The following WDFY4 variants were observed in gnomAD, a reference collection of about 807,000 sequenced individuals.
The protein encoded by WDFY4 is WDFY family member 4, also known as WD repeat- and FYVE domain-containing protein 4.
A neutral mutation model predicts 351.9 loss-of-function variants in WDFY4; 169 were observed. That is an observed-to-expected ratio of 0.48 (90% CI 0.42 to 0.55). WDFY4 has a LOEUF of 0.55. Among genes scored for constraint, WDFY4 ranks in the 20% least tolerant of loss-of-function variants. The pLI, the probability that WDFY4 is intolerant of heterozygous loss-of-function variation, is 0.00. For missense variants in WDFY4, 3,803 were observed against 3,935.6 expected, an observed-to-expected ratio of 0.97 and a Z score of 0.90; for synonymous variants, 1,622 against 1,574.6, an observed-to-expected ratio of 1.03 and a Z score of -0.71.
intron 9 of WDFY4, 116 bp from the exon 10 acceptor site, chr10:48,733,815 T>C (rs1660122549): frequency 2.2e-6 from 2 of 903,698 alleles, no homozygotes; most frequent in South Asian, 3.3e-5. Flanking sequence ...CACACTCCCT[T>C]ATGATGAAAG....
chr10:48,816,488 C>A (rs554475721), intron 31 of WDFY4, among the ~76,000 whole-genome samples: 1 of 152,226 alleles, frequency 6.6e-6, no homozygotes, highest in East Asian at 1.9e-4. Context: ...TATGTTTTGG[C>A]CCTGCTCAGA....
chr10:48,789,641 G>A lies in WDFY4; in HGVS notation c.3955-233G>A, dbSNP rs11101484. 2.8e-3 allele frequency among the ~76,000 whole-genome samples: 431 copies of A among 152,336 alleles called. 1 individual carries two copies. The highest frequency in any genetic ancestry group is 9.7e-3 in the African/African-American group (405 of 41,576). On this transcript the variant is annotated intron_variant, in intron 21 of 61. Transcript: ENST00000325239. The stretch of plus-strand genomic sequence containing the variant: ...GTGGGACACTGGTGGCTCAGACTGC[G>A]TAACTGAAGCTGCTCACTTACAATT...
chr10:48,895,345 C>T (rs918739036), intron 44 of WDFY4, among the ~76,000 whole-genome samples: 48 of 152,192 alleles, frequency 3.2e-4, no homozygotes, highest in African/African-American at 1.1e-3. Flanking sequence ...ACACTGGGAG[C>T]TGGAATGGGA....
At position 48,850,472 on chromosome 10, in the gene WDFY4, T is replaced by C. The variant is rs182916236; in HGVS notation, c.6664-16793T>C. On this transcript the variant is annotated intron_variant, in intron 39 of 61. Transcript: ENST00000325239. ...CTTTTTTCTCATAGTATTTAACTGA[T>C]CTCATATGCGCTTTCCCTGTAACTC... Among the ~76,000 whole-genome samples the C allele has an allele frequency of 1.7e-3, 258 of 152,250 alleles. 2 individuals are homozygous for C. The highest frequency in any genetic ancestry group is 5.8e-3 in the African/African-American group (240 of 41,520).
intron 39 of WDFY4, among the ~76,000 whole-genome samples, chr10:48,847,812 T>A (rs1406156803): frequency 6.6e-6 from 1 of 152,158 alleles, no homozygotes. Flanking sequence ...CTCATGACAA[T>A]TGAATTTAAT....
intron 47 of WDFY4, among the ~76,000 whole-genome samples, chr10:48,908,818 T>C (rs1265803044): frequency 3.3e-5 from 5 of 152,172 alleles, no homozygotes; most frequent in Non-Finnish European, 7.3e-5. Flanking sequence ...TTTTATCACA[T>C]GTAGATTTGA....
chr10:48,901,197 GC>G (rs1837333683), intron 46 of WDFY4, among the ~76,000 whole-genome samples: 1 of 152,242 alleles, frequency 6.6e-6, no homozygotes, highest in Non-Finnish European at 1.5e-5. Flanking sequence ...ACTCAGGTGA[GC>G]CTGCTCATGC....
intron 13 of WDFY4, among the ~76,000 whole-genome samples, chr10:48,771,453 TC>T (rs1202436349): frequency 1.3e-5 from 2 of 152,178 alleles, no homozygotes; most frequent in African/African-American, 4.8e-5. Flanking sequence ...TAATTGTGCC[TC>T]CCTCACAGGC....
rs199942236 is a variant in WDFY4 at position 48,719,994 on chromosome 10, C to A, written c.235-17C>A. On this transcript the variant is annotated splice_polypyrimidine_tract_variant and intron_variant, in intron 2 of 61. Transcript: ENST00000325239. ...GTGGCATTGCTATCTCTGACCAAGT[C>A]CCATCTGTTGCTTCAGGCCTGGGAA... 1.9e-6 allele frequency: 3 copies of A among 1,550,132 alleles called. No homozygotes were observed. Among genetic ancestry groups the A allele is most frequent in the Non-Finnish European group, 2.6e-6 (3 of 1,145,648 alleles).
intron 24 of WDFY4, among the ~76,000 whole-genome samples, chr10:48,800,895 G>A (rs1477758816): frequency 1.3e-5 from 2 of 151,724 alleles, no homozygotes; most frequent in Admixed American, 1.3e-4. Context: ...ACCACATAAG[G>A]CTCATTTTTT....
Position 48,970,304 on chromosome 10 carries a change from G to T in WDFY4, c.8928+15G>T. 1 of 1,548,178 alleles carries T rather than the reference G, an allele frequency of 6.5e-7. No individual in the cohort carries two copies. Among genetic ancestry groups the T allele is most frequent in the East Asian group, 2.4e-5 (1 of 40,924 alleles). On this transcript the variant is annotated intron_variant, in intron 57 of 61. Coordinates refer to ENST00000325239, the MANE Select transcript of WDFY4 (RefSeq NM_001394531.1). Reference sequence around the variant, plus strand: ...GCCTCCGGCAGGTATGGTCCAGCTCGTGCAGGTGCGGTCCTCAGGTGGGGA... The same window carrying T: ...GCCTCCGGCAGGTATGGTCCAGCTCTTGCAGGTGCGGTCCTCAGGTGGGGA...
At position 48,810,661 on chromosome 10, in the gene WDFY4, G is replaced by A. The variant is rs372093445; in HGVS notation, c.4970G>A (p.Arg1657His). ...LLYFLASPSL[R>H]TRFRDGLCAG... is the part of the protein sequence containing the mutation. ...TACTTTCTGGCAAGCCCCTCCCTCC[G>A]CACACGGTTTAGAGATGGCCTGTGT... The change falls in exon 29 of 62, where the codon CGC (arginine) becomes CAC (histidine). Residue 1657 changes from arginine to histidine, a missense_variant. Arg to His is a conservative substitution (Grantham distance 29). This residue lies in a region of WDFY4 where 3,054 missense variants were observed against 3,148.6 expected (regional missense o/e 0.97). Transcript: ENST00000325239. 4.6e-5 allele frequency: 72 copies of A among 1,551,400 alleles called. No homozygotes were observed. Among genetic ancestry groups the A allele is most frequent in the Non-Finnish European group, 5.6e-5 (64 of 1,146,982 alleles).
intron 4 of WDFY4, among the ~76,000 whole-genome samples, chr10:48,721,923 T>C (rs2064102178): frequency 1.3e-5 from 2 of 152,314 alleles, no homozygotes; most frequent in South Asian, 4.1e-4. Context: ...GGTACCTGTC[T>C]CGCCCTCGCC....
intron 1 of WDFY4, among the ~76,000 whole-genome samples, chr10:48,691,048 G>A (rs993974002): frequency 4.6e-5 from 7 of 152,168 alleles, no homozygotes; most frequent in Non-Finnish European, 1.0e-4. Context: ...GATACCTGAA[G>A]GCCAGTGCAA....
intron 38 of WDFY4, among the ~76,000 whole-genome samples, chr10:48,831,378 C>CA (rs1286001671): frequency 4.6e-5 from 7 of 152,206 alleles, no homozygotes; most frequent in African/African-American, 1.7e-4. Flanking sequence ...TACTAATAAA[C>CA]AACATTTTTG....
Position 48,787,804 on chromosome 10 carries a change from CTCCTCTTCTTCT to C in WDFY4, c.3809-723_3809-712del, listed in dbSNP as rs1355792781. Among the ~76,000 whole-genome samples, 507 of 70,738 alleles carry C rather than the reference CTCCTCTTCTTCT, an allele frequency of 7.2e-3. 23 individuals carry two copies. Among genetic ancestry groups the C allele is most frequent in the Middle Eastern group, 0.042 (5 of 118 alleles). 46.4% of individuals were successfully genotyped at this position (70,738 alleles called of 152,430 possible). A position where few individuals can be genotyped will look rare whatever the true frequency, so the allele number is the denominator to read the frequency against. ...CTTCCTCTTCCTCCTCCTCCTCCTCCTCCTCTTCTTCTTCTTCTTCTTCTTCTTCTTCTTCTT... is the reference window on the plus strand; with the variant it reads ...CTTCCTCTTCCTCCTCCTCCTCCTCCTCTTCTTCTTCTTCTTCTTCTTCTT... On this transcript the variant is annotated intron_variant, in intron 20 of 61. Coordinates refer to ENST00000325239, the MANE Select transcript of WDFY4 (RefSeq NM_001394531.1).
chr10:48,901,657 C>T (rs1408798554), intron 46 of WDFY4, 144 bp from the exon 47 acceptor site: 1 of 785,280 alleles, frequency 1.3e-6, no homozygotes, highest in Non-Finnish European at 2.1e-6. Flanking sequence ...TACACCCAGG[C>T]CTGGTGTTCA....
chr10:48,782,738 GC>G (rs1483614898), intron 19 of WDFY4, among the ~76,000 whole-genome samples: 1 of 152,224 alleles, frequency 6.6e-6, no homozygotes, highest in Admixed American at 6.5e-5. Context: ...TTCTCAAAAT[GC>G]TGAGCCTTTG....
At position 48,718,541 on chromosome 10, in the gene WDFY4, G is replaced by A. The variant is rs1485822372; in HGVS notation, c.235-1470G>A. Among the ~76,000 whole-genome samples, 3 of 152,310 alleles carry A rather than the reference G, an allele frequency of 2.0e-5. 1 individual carries two copies. Among genetic ancestry groups the A allele is most frequent in the South Asian group, 4.1e-4 (2 of 4,828 alleles). On this transcript the variant is annotated intron_variant, in intron 2 of 61. Transcript: ENST00000325239. ...ACGGTGGGTGGTGCTAGGTGGAAGCGGGGCAGCAAAACTGCCTTCCGTGGA... is the reference window on the plus strand; with the variant it reads ...ACGGTGGGTGGTGCTAGGTGGAAGCAGGGCAGCAAAACTGCCTTCCGTGGA...
Sources: allele counts gnomAD v4.1 joint callset (sites outside exome capture counted in the v4.1 genomes callset), GRCh38; gene constraint gnomAD v4.1.1; regional missense constraint gnomAD v4.1.1; transcripts MANE v1.5; gene names NCBI Gene and HGNC (gene_info 2026-07-23, HGNC 2026-07-21).